The following CAMTA1 variants were observed in gnomAD, a reference collection of about 807,000 sequenced individuals.
The protein encoded by CAMTA1 is calmodulin binding transcription activator 1, also known as calmodulin-binding transcription activator 1.
CAMTA1 carries 27 observed loss-of-function variants against 170.9 expected under a neutral mutation model. The observed-to-expected ratio is 0.16, with a 90% CI of 0.12 to 0.22. The LOEUF (loss-of-function observed/expected upper bound fraction) is 0.22. Ranked by LOEUF, CAMTA1 falls within the 10% of genes least tolerant of loss-of-function variation. The pLI, the probability that CAMTA1 is intolerant of heterozygous loss-of-function variation, is 1.00. For synonymous variants in CAMTA1, 833 were observed against 891.5 expected (o/e 0.93, Z 1.17); for missense variants, 1,619 against 2,217.2 (o/e 0.73, Z 5.42).
At chr1:7,531,502 C>T (rs2094492038) in intron 6 of CAMTA1, among the ~76,000 whole-genome samples, 1 of 152,198 alleles carries the variant, frequency 6.6e-6, no homozygotes, top group African/African-American at 2.4e-5. Flanking sequence ...GCACCTCGTT[C>T]CCCAGACTCC....
At chr1:6,815,087 C>T (rs1427329275) in intron 1 of CAMTA1, among the ~76,000 whole-genome samples, 1 of 151,942 alleles carries the variant, frequency 6.6e-6, no homozygotes, top group Non-Finnish European at 1.5e-5. Context: ...TTGTTTTAAC[C>T]TTTAAGTCAT....
chr1:6,896,372 T>TCA (rs1675670628), intron 3 of CAMTA1, among the ~76,000 whole-genome samples: 1 of 152,172 alleles, frequency 6.6e-6, no homozygotes, highest in African/African-American at 2.4e-5. Flanking sequence ...TGGCACTGCT[T>TCA]GCCTTTGCTG....
chr1:6,884,593 T>G (rs182704978), intron 3 of CAMTA1, among the ~76,000 whole-genome samples: 1 of 152,322 alleles, frequency 6.6e-6, no homozygotes, highest in Non-Finnish European at 1.5e-5. Context: ...TCCCTTTAGT[T>G]TGTTGCCTGC....
intron 7 of CAMTA1, among the ~76,000 whole-genome samples, chr1:7,650,943 G>A (rs1459558578): frequency 6.6e-6 from 1 of 152,176 alleles, no homozygotes; most frequent in Non-Finnish European, 1.5e-5. Context: ...CATTGACCTT[G>A]TCGCCATGGA....
At chr1:6,817,939 G>A (rs1646029057) in intron 1 of CAMTA1, among the ~76,000 whole-genome samples, 1 of 152,176 alleles carries the variant, frequency 6.6e-6, no homozygotes, top group Non-Finnish European at 1.5e-5. Flanking sequence ...TTATTTATAT[G>A]GACCCTGAAA....
chr1:7,113,410 G>A lies in CAMTA1; in HGVS notation c.302+22039G>A, dbSNP rs1644178941. Among the ~76,000 whole-genome samples, 1 of 152,202 alleles carries A rather than the reference G, an allele frequency of 6.6e-6. No individual in the cohort carries two copies. Among genetic ancestry groups the A allele is most frequent in the Non-Finnish European group, 1.5e-5 (1 of 68,036 alleles). On this transcript the variant is annotated intron_variant, in intron 4 of 22. Transcript: ENST00000303635. The surrounding 1 kb of genome is among the most constrained non-coding windows in gnomAD (Gnocchi z 4.5). Reference sequence around the variant, plus strand: ...TGGAGAAGCCAGATGCGGCCCCCTTGGAGAGGGGTCATCTTTACTTGATTC... The same window carrying A: ...TGGAGAAGCCAGATGCGGCCCCCTTAGAGAGGGGTCATCTTTACTTGATTC...
intron 5 of CAMTA1, among the ~76,000 whole-genome samples, chr1:7,290,845 C>A (rs1232452076): frequency 6.6e-6 from 1 of 151,966 alleles, no homozygotes; most frequent in East Asian, 1.9e-4. Flanking sequence ...ATACTTTTAC[C>A]AACAAGTCTG....
chr1:7,642,405 G>C lies in CAMTA1; in HGVS notation c.664+1852G>C, dbSNP rs1475963630. 6.6e-6 allele frequency among the ~76,000 whole-genome samples: 1 copy of C among 152,192 alleles called. No individual in the cohort carries two copies. Among genetic ancestry groups the C allele is most frequent in the Non-Finnish European group, 1.5e-5 (1 of 68,028 alleles). On this transcript the variant is annotated intron_variant, in intron 7 of 22. Coordinates refer to ENST00000303635, the MANE Select transcript of CAMTA1 (RefSeq NM_015215.4). This position sits in a 1 kb window ranked among gnomAD's most constrained non-coding sequence, Gnocchi z 6.3. The stretch of plus-strand genomic sequence containing the variant: ...CAGTGTCCTGGCTCTGGGAGCCGGG[G>C]CTGCTGAGTGGCACTTTCCCAAGGG...
chr1:7,192,845 AAAG>A (rs1371771939), intron 4 of CAMTA1, among the ~76,000 whole-genome samples: 2 of 152,168 alleles, frequency 1.3e-5, no homozygotes, highest in Non-Finnish European at 2.9e-5. Flanking sequence ...AAGGAAAAGG[AAAG>A]AAGGAGAACT....
intron 3 of CAMTA1, among the ~76,000 whole-genome samples, chr1:6,997,901 C>T (rs182528992): frequency 7.9e-5 from 12 of 151,988 alleles, no homozygotes; most frequent in South Asian, 4.2e-4. Flanking sequence ...TCAGGTGATC[C>T]GCCCTCCTTG....
chr1:7,498,470 T>G (rs927419601), intron 6 of CAMTA1, among the ~76,000 whole-genome samples: 10 of 151,132 alleles, frequency 6.6e-5, no homozygotes, highest in African/African-American at 2.2e-4. Flanking sequence ...ACAGTGTGTG[T>G]GGATGTGTGA....
intron 3 of CAMTA1, among the ~76,000 whole-genome samples, chr1:6,936,996 G>A (rs1023499912): frequency 3.3e-5 from 5 of 151,478 alleles, no homozygotes; most frequent in African/African-American, 9.7e-5. Flanking sequence ...TAAAAAAAAA[G>A]ACAAAAAAAA....
chr1:7,614,276 T>TG (rs1292389825), intron 6 of CAMTA1, among the ~76,000 whole-genome samples: 1 of 152,054 alleles, frequency 6.6e-6, no homozygotes, highest in Non-Finnish European at 1.5e-5. Context: ...AGCTGGCCTA[T>TG]GTGTCCATCC....
intron 3 of CAMTA1, among the ~76,000 whole-genome samples, chr1:7,015,478 C>T (rs1337726106): frequency 6.6e-6 from 1 of 152,174 alleles, no homozygotes; most frequent in Non-Finnish European, 1.5e-5. Flanking sequence ...CAGCCTGCCT[C>T]TCCTCTGAAT....
chr1:7,734,389 CCACTACGCAGCTGGCT>C (rs746423511), intron 12 of CAMTA1, among the ~76,000 whole-genome samples: 1 of 152,174 alleles, frequency 6.6e-6, no homozygotes, highest in Non-Finnish European at 1.5e-5. Context: ...TAAAGCTCAG[CCACTACGCAGCTGGCT>C]CAAACGCTAT....
At chr1:7,202,650 G>A (rs569195880) in intron 4 of CAMTA1, among the ~76,000 whole-genome samples, 3 of 152,222 alleles carry the variant, frequency 2.0e-5, no homozygotes, top group African/African-American at 7.2e-5. Context: ...AATTGTGAAT[G>A]CAATTGTTTT....
chr1:7,752,601 C>G (rs1468304213), intron 21 of CAMTA1, 68 bp downstream of exon 21: 2 of 1,202,434 alleles, frequency 1.7e-6, no homozygotes, highest in Admixed American at 2.4e-5. Flanking sequence ...CTTCTTAACC[C>G]TCACTAACTC....
At chr1:7,290,927 G>A (rs1169754536) in intron 5 of CAMTA1, among the ~76,000 whole-genome samples, 2 of 151,962 alleles carry the variant, frequency 1.3e-5, no homozygotes, top group African/African-American at 4.8e-5. Context: ...CTCCTGGGGG[G>A]GTGAAGTGAC....
In CAMTA1 at chr1:7,533,019, C is replaced by T. The variant is rs899426290; in HGVS notation, c.510+65118C>T. ...GTCCCAATAATTAGTACGTTGTTTTCCCTGCCTGAGTTCTGAACCTACTGA... is the reference window on the plus strand; with the variant it reads ...GTCCCAATAATTAGTACGTTGTTTTTCCTGCCTGAGTTCTGAACCTACTGA... On this transcript the variant is annotated intron_variant, in intron 6 of 22. Coordinates refer to ENST00000303635, the MANE Select transcript of CAMTA1 (RefSeq NM_015215.4). 5.9e-5 allele frequency among the ~76,000 whole-genome samples: 9 copies of T among 152,296 alleles called. 1 individual carries two copies. Among genetic ancestry groups the T allele is most frequent in the African/African-American group, 2.2e-4 (9 of 41,580 alleles).
Sources: allele counts gnomAD v4.1 joint callset (sites outside exome capture counted in the v4.1 genomes callset), GRCh38; gene constraint gnomAD v4.1.1; non-coding constraint Gnocchi (gnomAD v3.1); transcripts MANE v1.5; gene names NCBI Gene and HGNC (gene_info 2026-07-23, HGNC 2026-07-21).